ERC2: variants seen among roughly 807,000 people sequenced by gnomAD.
ERC2 encodes the protein ELKS/RAB6-interacting/CAST family member 2.
In ERC2, 42 loss-of-function variants were observed where a neutral mutation model predicts 114.8. The observed-to-expected ratio is 0.37, with a 90% confidence interval of 0.29 to 0.47. The LOEUF (loss-of-function observed/expected upper bound fraction) is 0.47, where lower values mean the gene tolerates loss of function less well. Among genes scored for constraint, ERC2 ranks in the 20% least tolerant of loss-of-function variants. The pLI is 0.99. For missense variants in ERC2, 939 were observed against 1,150.7 expected (o/e 0.82, Z 2.66); for synonymous variants, 454 against 425.5 (o/e 1.07, Z -0.82).
chr3:56,259,814 T>A (rs1032371120), intron 3 of ERC2, among the ~76,000 whole-genome samples: 2 of 152,200 alleles, frequency 1.3e-5, no homozygotes, highest in Non-Finnish European at 1.5e-5. Context: ...GGTACAAGGA[T>A]GAAAACTGAC....
intron 4 of ERC2, among the ~76,000 whole-genome samples, chr3:56,172,699 T>C (rs2082739678): frequency 6.6e-6 from 1 of 152,200 alleles, no homozygotes; most frequent in Non-Finnish European, 1.5e-5. Context: ...TACTTTACTA[T>C]TTGCATCCTT....
intron 16 of ERC2, among the ~76,000 whole-genome samples, chr3:55,696,621 A>C (rs1397565788): frequency 6.6e-6 from 1 of 152,206 alleles, no homozygotes; most frequent in African/African-American, 2.4e-5. Flanking sequence ...GTTTGTAATC[A>C]ATTGGGAAAG....
At chr3:56,458,169 C>T (rs1202701503) in intron 1 of ERC2, among the ~76,000 whole-genome samples, 1 of 152,206 alleles carries the variant, frequency 6.6e-6, no homozygotes, top group East Asian at 1.9e-4. Context: ...CTCCTGTTTT[C>T]CAGGTTAAAA....
At chr3:56,315,670 T>G (rs2056829984) in intron 2 of ERC2, among the ~76,000 whole-genome samples, 1 of 152,102 alleles carries the variant, frequency 6.6e-6, no homozygotes. Flanking sequence ...AAAAACTATA[T>G]TTAAACAAGG....
rs192243135 is a variant in ERC2, at chr3:56,042,306, T to C, written c.1642-23275A>G. ...TTCAAACACATTCAAGCCAACTCAC[T>C]GTGTTGGTAAATATTCTGTTGGCTG... On this transcript the variant is annotated intron_variant, in intron 7 of 17. Coordinates refer to ENST00000288221, the MANE Select transcript of ERC2 (RefSeq NM_015576.3). Among the ~76,000 whole-genome samples the C allele has an allele frequency of 5.9e-5, 9 of 152,358 alleles. 1 individual carries two copies. The highest frequency in any genetic ancestry group is 5.9e-4 in the Admixed American group (9 of 15,302).
chr3:55,612,426 G>A (rs2058944955), intron 17 of ERC2, among the ~76,000 whole-genome samples: 1 of 152,182 alleles, frequency 6.6e-6, no homozygotes, highest in Non-Finnish European at 1.5e-5. Context: ...CCCCAGGTAA[G>A]CCTTATTCCC....
intron 1 of ERC2, among the ~76,000 whole-genome samples, chr3:56,447,162 C>T (rs954420615): frequency 1.3e-5 from 2 of 152,252 alleles, no homozygotes; most frequent in Non-Finnish European, 2.9e-5. Flanking sequence ...TACACCCCCA[C>T]ATGGCACACT....
At chr3:55,692,457 G>A (rs1369048837) in intron 16 of ERC2, among the ~76,000 whole-genome samples, 3 of 152,184 alleles carry the variant, frequency 2.0e-5, no homozygotes, top group Non-Finnish European at 4.4e-5. Flanking sequence ...ACATCGATGA[G>A]GACATAATTG....
chr3:55,976,219 G>A (rs79122951), intron 12 of ERC2, among the ~76,000 whole-genome samples: 4,253 of 152,224 alleles, frequency 0.028, 103 homozygotes, highest in Middle Eastern at 0.082. Flanking sequence ...CTGAGAAATT[G>A]GCCTTCCCAA....
chr3:55,936,591 T>C (rs2066460236), intron 13 of ERC2, among the ~76,000 whole-genome samples: 1 of 152,026 alleles, frequency 6.6e-6, no homozygotes, highest in Non-Finnish European at 1.5e-5. Flanking sequence ...CTACATGAAA[T>C]GAAGAAGTAA....
chr3:56,345,001 G>C (rs989454738), intron 2 of ERC2, among the ~76,000 whole-genome samples: 1 of 152,182 alleles, frequency 6.6e-6, no homozygotes, highest in African/African-American at 2.4e-5. Flanking sequence ...AATACCCAAG[G>C]CTGGCTAACT....
At chr3:56,093,249 T>C (rs559968457) in intron 6 of ERC2, among the ~76,000 whole-genome samples, 10 of 152,316 alleles carry the variant, frequency 6.6e-5, no homozygotes, top group Admixed American at 2.6e-4. Context: ...TCTCAAAAGT[T>C]AAAATGAATT....
At chr3:55,931,797 C>A (rs2149403980) in intron 13 of ERC2, among the ~76,000 whole-genome samples, 1 of 151,984 alleles carries the variant, frequency 6.6e-6, no homozygotes, top group South Asian at 2.1e-4. Context: ...TGAGCAAGAC[C>A]TCTTGGAGAG....
At chr3:56,407,166 C>A (rs2060762111) in intron 2 of ERC2, among the ~76,000 whole-genome samples, 1 of 152,194 alleles carries the variant, frequency 6.6e-6, no homozygotes, top group Non-Finnish European at 1.5e-5. Flanking sequence ...AACTTTCACC[C>A]ACCCCCAAAT....
At chr3:56,071,040 A>C (rs868641314) in intron 7 of ERC2, among the ~76,000 whole-genome samples, 1 of 152,314 alleles carries the variant, frequency 6.6e-6, no homozygotes. Flanking sequence ...TAGAGCACAC[A>C]TCATCTACAG....
chr3:55,845,476 C>A (rs895234257), intron 14 of ERC2, among the ~76,000 whole-genome samples: 1 of 134,616 alleles, frequency 7.4e-6, no homozygotes, highest in African/African-American at 2.9e-5. Context: ...TGCACTCCAG[C>A]CTGGGCGACA....
At chr3:56,097,357 T>C (rs941559065) in intron 6 of ERC2, among the ~76,000 whole-genome samples, 1 of 152,144 alleles carries the variant, frequency 6.6e-6, no homozygotes, top group African/African-American at 2.4e-5. Flanking sequence ...CTTTTTTTTT[T>C]CTTAAAGGCA....
intron 17 of ERC2, among the ~76,000 whole-genome samples, chr3:55,528,265 C>A (rs1397828073): frequency 6.6e-6 from 1 of 152,220 alleles, no homozygotes; most frequent in Non-Finnish European, 1.5e-5. Flanking sequence ...GAAGGCACAA[C>A]CAAGTGGCCC....
rs983574100 is a variant in ERC2 at position 55,786,076 on chromosome 3, A to G, written c.2565-51158T>C. Among the ~76,000 whole-genome samples the G allele has an allele frequency of 1.3e-5, 2 of 152,110 alleles. 1 individual carries two copies. Among genetic ancestry groups the G allele is most frequent in the Admixed American group, 1.3e-4 (2 of 15,274 alleles). On this transcript the variant is annotated intron_variant, in intron 14 of 17. Coordinates refer to ENST00000288221, the MANE Select transcript of ERC2 (RefSeq NM_015576.3). ...ATGTGGGATTTTTTTTCAATTCGTC[A>G]TTTGAATTAAACTCTACATAGTATG...
Sources: gnomAD v4.1 joint callset for allele counts (sites outside exome capture counted in the v4.1 genomes callset) on GRCh38, gnomAD v4.1.1 for gene constraint, MANE v1.5 for transcripts, NCBI Gene and HGNC (gene_info 2026-07-23, HGNC 2026-07-21) for gene names.